Variants in DOCK5 observed in about 807,000 individuals in gnomAD.
The protein encoded by DOCK5 is dedicator of cytokinesis 5.
In DOCK5, 142 loss-of-function variants were observed where a neutral mutation model predicts 251.8. The observed-to-expected ratio is 0.56, with a 90% CI of 0.49 to 0.65. The LOEUF is 0.65. Ranked by LOEUF, DOCK5 falls within the 30% of genes least tolerant of loss-of-function variation. DOCK5 has a pLI of 0.00. For synonymous variants in DOCK5, 842 were observed against 835.5 expected, an observed-to-expected ratio of 1.01 and a Z score of -0.13; for missense variants, 2,111 against 2,312.3, an observed-to-expected ratio of 0.91 and a Z score of 1.79.
At chr8:25,329,927 C>G (rs1586334021) in intron 18 of DOCK5, among the ~76,000 whole-genome samples, 1 of 152,206 alleles carries the variant, frequency 6.6e-6, no homozygotes, top group African/African-American at 2.4e-5. Context: ...CGTGTCACTG[C>G]TCTCCTGGCC....
intron 8 of DOCK5, among the ~76,000 whole-genome samples, chr8:25,300,112 G>C (rs1347452687): frequency 6.6e-6 from 1 of 152,080 alleles, no homozygotes. Context: ...TACCATGTTG[G>C]CCAGCCTGGT....
At chr8:25,264,850 A>T (rs1563330335) in intron 2 of DOCK5, among the ~76,000 whole-genome samples, 1 of 151,908 alleles carries the variant, frequency 6.6e-6, no homozygotes, top group African/African-American at 2.4e-5. Context: ...ACAACAACAA[A>T]AAAAACATAA....
chr8:25,402,013 A>G (rs1029686383), intron 47 of DOCK5, among the ~76,000 whole-genome samples: 1 of 152,186 alleles, frequency 6.6e-6, no homozygotes, highest in Non-Finnish European at 1.5e-5. Context: ...TAGTGCGTGT[A>G]TGTACTAACC....
At chr8:25,253,058 A>G (rs1803314776) in intron 2 of DOCK5, among the ~76,000 whole-genome samples, 1 of 152,184 alleles carries the variant, frequency 6.6e-6, no homozygotes, top group Non-Finnish European at 1.5e-5. Flanking sequence ...TCCTGGCCTC[A>G]TGTGATCTGC....
chr8:25,238,985 G>A (rs1305871669), intron 1 of DOCK5, among the ~76,000 whole-genome samples: 6 of 152,206 alleles, frequency 3.9e-5, no homozygotes, highest in Non-Finnish European at 7.3e-5. Context: ...AACCCAAACT[G>A]CGCTGGAAGG....
intron 1 of DOCK5, among the ~76,000 whole-genome samples, chr8:25,196,859 A>T (rs1468913971): frequency 6.6e-6 from 1 of 152,224 alleles, no homozygotes; most frequent in Non-Finnish European, 1.5e-5. Context: ...GTTGTAGCGG[A>T]ATTGAACCGT....
In DOCK5 at chr8:25,369,545, T is replaced by A. The variant is rs777688483; in HGVS notation, c.3439-11T>A. 3.1e-5 allele frequency: 50 copies of A among 1,602,910 alleles called. No homozygotes were observed. Among genetic ancestry groups the A allele is most frequent in the Non-Finnish European group, 4.1e-5 (48 of 1,174,540 alleles). On this transcript the variant is annotated splice_polypyrimidine_tract_variant and intron_variant, in intron 33 of 51. Transcript: ENST00000276440. Reference sequence around the variant, plus strand: ...CAACATTATCCTGTGAAATTCTGCCTCTACTTTCAGTTTGAGAATGAGCTG... The same window carrying A: ...CAACATTATCCTGTGAAATTCTGCCACTACTTTCAGTTTGAGAATGAGCTG...
chr8:25,296,085 G>A (rs1033923663), intron 6 of DOCK5, among the ~76,000 whole-genome samples: 2 of 152,176 alleles, frequency 1.3e-5, no homozygotes, highest in Admixed American at 6.5e-5. Context: ...CTCCCAAAGT[G>A]CTAGGATTAC....
At chr8:25,186,707 A>G (rs554468455) in intron 1 of DOCK5, among the ~76,000 whole-genome samples, 1 of 152,206 alleles carries the variant, frequency 6.6e-6, no homozygotes, top group African/African-American at 2.4e-5. Flanking sequence ...TACAATGCCC[A>G]ATCACTACAG....
intron 13 of DOCK5, among the ~76,000 whole-genome samples, chr8:25,315,033 C>T (rs1439457612): frequency 6.7e-6 from 1 of 148,564 alleles, no homozygotes; most frequent in Non-Finnish European, 1.5e-5. Context: ...CTTCTCCTTA[C>T]TGCATCCTGA....
At chr8:25,373,052 T>A (rs1245741970) in intron 35 of DOCK5, among the ~76,000 whole-genome samples, 1 of 149,874 alleles carries the variant, frequency 6.7e-6, no homozygotes, top group African/African-American at 2.5e-5. Context: ...CGGGCTGGAG[T>A]GCAGTGGTGC....
rs3215159 is a variant in DOCK5 at position 25,373,601 on chromosome 8, C to CT, written c.3685-9dup. 0.47 allele frequency: 737,641 copies of CT among 1,560,754 alleles called. 173,084 individuals carry two copies. Among genetic ancestry groups the CT allele is most frequent in the Middle Eastern group, 0.54 (3,224 of 5,938 alleles). Reference sequence around the variant, plus strand: ...TGATTTATGTTGGGATTCTGTGATCCTTTTTTTTCCTGGCAGAACTTTTAT... The same window carrying CT: ...TGATTTATGTTGGGATTCTGTGATCCTTTTTTTTTCCTGGCAGAACTTTTAT... On this transcript the variant is annotated splice_polypyrimidine_tract_variant and intron_variant, in intron 35 of 51. Transcript: ENST00000276440.
At chr8:25,350,868 C>T (rs1800454366) in intron 26 of DOCK5, among the ~76,000 whole-genome samples, 4 of 152,158 alleles carry the variant, frequency 2.6e-5, no homozygotes, top group South Asian at 2.1e-4. Flanking sequence ...CTCCTAATAC[C>T]ATCACGATGG....
At chr8:25,325,652 G>C (rs1398336986) in intron 18 of DOCK5, 105 bp downstream of exon 18, 6 of 1,372,416 alleles carry the variant, frequency 4.4e-6, no homozygotes, top group Non-Finnish European at 5.9e-6. Context: ...GGTCTTATTA[G>C]GTAGGATGTT....
chr8:25,318,826 G>T, intron 14 of DOCK5, among the ~76,000 whole-genome samples: 1 of 151,836 alleles, frequency 6.6e-6, no homozygotes, highest in African/African-American at 2.4e-5. Context: ...TGAGTGTCCT[G>T]TTGCATAGTT....
chr8:25,299,590 T>C (rs1017952736), intron 8 of DOCK5: 2 of 152,370 alleles, frequency 1.3e-5, no homozygotes, highest in African/African-American at 4.8e-5. Flanking sequence ...ATGTTACTAC[T>C]ATGGTCGGGG....
chr8:25,190,532 T>C (rs1235811697), intron 1 of DOCK5, among the ~76,000 whole-genome samples: 1 of 152,108 alleles, frequency 6.6e-6, no homozygotes, highest in African/African-American at 2.4e-5. Flanking sequence ...TTGGCTACAG[T>C]CGTAATTAAA....
intron 14 of DOCK5, among the ~76,000 whole-genome samples, chr8:25,318,567 C>A (rs1805329399): frequency 9.0e-6 from 1 of 111,270 alleles, no homozygotes; most frequent in Non-Finnish European, 1.7e-5. Flanking sequence ...CTTCTATTTT[C>A]CTTTCTTTTC....
At chr8:25,246,704 TTGTGTGTGTGTGTGTGTGTG>T (rs55963570) in intron 2 of DOCK5, among the ~76,000 whole-genome samples, 89 of 89,604 alleles carry the variant, frequency 9.9e-4, no homozygotes, top group African/African-American at 2.9e-3. Context: ...CCATGTTAGT[TTGTGTGTGTGTGTGTGTGTG>T]TGTGTGTGTG....
Sources: allele counts gnomAD v4.1 joint callset (sites outside exome capture counted in the v4.1 genomes callset), GRCh38; gene constraint gnomAD v4.1.1; transcripts MANE v1.5; gene names NCBI Gene and HGNC (gene_info 2026-07-23, HGNC 2026-07-21).